Variants in ZCCHC7 observed in about 807,000 individuals in gnomAD.
The protein encoded by ZCCHC7 is zinc finger CCHC-type containing 7, also known as zinc finger CCHC domain-containing protein 7.
A neutral mutation model predicts 52.0 loss-of-function variants in ZCCHC7; 35 were observed. The ratio of observed to expected loss-of-function variants is 0.67; its 90% CI spans 0.51 to 0.89. ZCCHC7 has a LOEUF of 0.89. ZCCHC7 is among the 40% of genes least tolerant of loss of function. The pLI is 0.00. For synonymous variants in ZCCHC7, 217 were observed against 221.5 expected, an observed-to-expected ratio of 0.98 and a Z score of 0.18; for missense variants, 574 against 649.1, an observed-to-expected ratio of 0.88 and a Z score of 1.26.
intron 2 of ZCCHC7, among the ~76,000 whole-genome samples, chr9:37,233,887 T>C (rs1825520044): frequency 6.6e-6 from 1 of 152,218 alleles, no homozygotes; most frequent in African/African-American, 2.4e-5. Flanking sequence ...GGAGTCTTAC[T>C]GTGTCTCCCA....
intron 2 of ZCCHC7, among the ~76,000 whole-genome samples, chr9:37,234,706 C>T (rs952684478): frequency 1.3e-5 from 2 of 152,196 alleles, no homozygotes; most frequent in Non-Finnish European, 2.9e-5. Flanking sequence ...ATCCTATGTA[C>T]ATTGTACACT....
chr9:37,178,437 A>G (rs1051538086), intron 2 of ZCCHC7, among the ~76,000 whole-genome samples: 3 of 150,640 alleles, frequency 2.0e-5, no homozygotes, highest in African/African-American at 7.3e-5. Context: ...AAAAGGAAAG[A>G]AAAAAGGAGA....
chr9:37,194,727 T>C lies in ZCCHC7; in HGVS notation c.610+67785T>C, dbSNP rs531345086. Among the ~76,000 whole-genome samples, 19 of 152,302 alleles carry C rather than the reference T, an allele frequency of 1.2e-4. No individual in the cohort carries two copies. The South Asian group carries it at 3.9e-3, about 32-fold the overall frequency. ...ATTCGTTTTAAGGATGTAAATCCTA[T>C]AAATCCACAGCTTGGGTGACAAATT... On this transcript the variant is annotated intron_variant, in intron 2 of 8. Coordinates refer to ENST00000336755, the MANE Select transcript of ZCCHC7 (RefSeq NM_032226.3).
intron 2 of ZCCHC7, among the ~76,000 whole-genome samples, chr9:37,163,385 C>CAAAAAAAA (rs1022187626): frequency 2.5e-4 from 19 of 76,934 alleles, no homozygotes; most frequent in Admixed American, 3.4e-4. Flanking sequence ...GACTCCATCT[C>CAAAAAAAA]AAAAAAAAAA....
At chr9:37,309,621 C>T (rs956721896) in intron 5 of ZCCHC7, among the ~76,000 whole-genome samples, 2 of 152,174 alleles carry the variant, frequency 1.3e-5, no homozygotes, top group South Asian at 2.1e-4. Context: ...TATAAATTGA[C>T]GATATTGAGA....
chr9:37,304,126 GTAGATGGCTTT>G, intron 3 of ZCCHC7, 51 bp from the exon 4 acceptor site: 1 of 1,524,986 alleles, frequency 6.6e-7, no homozygotes, highest in Non-Finnish European at 8.9e-7. Flanking sequence ...AACAAGAGTA[GTAGATGGCTTT>G]TATTTAGCAG....
rs554697236 is a variant in ZCCHC7, at chr9:37,229,107, T to G, written c.611-73081T>G. On this transcript the variant is annotated intron_variant, in intron 2 of 8. Coordinates refer to ENST00000336755, the MANE Select transcript of ZCCHC7 (RefSeq NM_032226.3). ...TCCTTGGCCTCCCAAAGTGTTAGGATTACAGGTGTGAGCCATCGCGCCCAG... is the reference window on the plus strand; with the variant it reads ...TCCTTGGCCTCCCAAAGTGTTAGGAGTACAGGTGTGAGCCATCGCGCCCAG... Among the ~76,000 whole-genome samples the G allele has an allele frequency of 2.6e-5, 4 of 152,296 alleles. 1 individual carries two copies. The highest frequency in any genetic ancestry group is 9.6e-5 in the African/African-American group (4 of 41,560).
chr9:37,320,526 G>A (rs369582638), intron 5 of ZCCHC7, among the ~76,000 whole-genome samples: 5 of 152,274 alleles, frequency 3.3e-5, no homozygotes, highest in Middle Eastern at 6.8e-3. Context: ...CTACTGTAGG[G>A]AGAGTTGACT....
intron 2 of ZCCHC7, among the ~76,000 whole-genome samples, chr9:37,257,704 A>G (rs1826657928): frequency 1.3e-5 from 2 of 151,988 alleles, no homozygotes; most frequent in Non-Finnish European, 2.9e-5. Context: ...GAGGCTCTCA[A>G]TTTTTAAGAA....
intron 2 of ZCCHC7, among the ~76,000 whole-genome samples, chr9:37,260,976 T>G (rs1257457947): frequency 6.6e-6 from 1 of 152,234 alleles, no homozygotes; most frequent in Non-Finnish European, 1.5e-5. Flanking sequence ...TCTGATCTTT[T>G]TTTGTTTGTT....
At chr9:37,152,111 C>G (rs1820561505) in intron 2 of ZCCHC7, among the ~76,000 whole-genome samples, 1 of 152,176 alleles carries the variant, frequency 6.6e-6, no homozygotes, top group Non-Finnish European at 1.5e-5. Context: ...GAAAGAATTT[C>G]TCTCCCTGGA....
intron 2 of ZCCHC7, among the ~76,000 whole-genome samples, chr9:37,175,284 G>A (rs1301125398): frequency 7.2e-5 from 11 of 152,036 alleles, no homozygotes; most frequent in African/African-American, 1.7e-4. Flanking sequence ...TGTATAAACC[G>A]TATCGCAGAA....
chr9:37,175,439 C>T (rs1821965981), intron 2 of ZCCHC7, among the ~76,000 whole-genome samples: 2 of 152,172 alleles, frequency 1.3e-5, no homozygotes, highest in East Asian at 1.9e-4. Flanking sequence ...CGTGGTGGCT[C>T]ATGCCTGTAA....
intron 2 of ZCCHC7, among the ~76,000 whole-genome samples, chr9:37,198,890 A>G (rs1162934494): frequency 1.3e-5 from 2 of 152,208 alleles, no homozygotes; most frequent in Non-Finnish European, 2.9e-5. Context: ...GCATTGAATT[A>G]ATTGATGATT....
intron 2 of ZCCHC7, among the ~76,000 whole-genome samples, chr9:37,288,223 TG>T (rs1309906157): frequency 6.6e-6 from 1 of 150,470 alleles, no homozygotes; most frequent in East Asian, 2.0e-4. Flanking sequence ...GAGCCTGCAA[TG>T]AGGCATGATT....
chr9:37,305,313 G>T (rs1366026071), intron 4 of ZCCHC7, among the ~76,000 whole-genome samples: 2 of 152,054 alleles, frequency 1.3e-5, no homozygotes, highest in African/African-American at 4.8e-5. Flanking sequence ...ATAAGAAGAG[G>T]CATAAGGAAT....
intron 2 of ZCCHC7, among the ~76,000 whole-genome samples, chr9:37,291,445 T>C (rs1828532499): frequency 6.6e-6 from 1 of 152,166 alleles, no homozygotes; most frequent in Non-Finnish European, 1.5e-5. Context: ...GGAATCTGAA[T>C]CATCCTGCTT....
At chr9:37,305,921 A>G (rs904677324) in intron 5 of ZCCHC7, among the ~76,000 whole-genome samples, 1 of 152,116 alleles carries the variant, frequency 6.6e-6, no homozygotes, top group Non-Finnish European at 1.5e-5. Flanking sequence ...TAAGGAGCCT[A>G]CTGAATCAGA....
At chr9:37,333,613 C>T (rs1000567026) in intron 6 of ZCCHC7, among the ~76,000 whole-genome samples, 5 of 151,706 alleles carry the variant, frequency 3.3e-5, no homozygotes, top group African/African-American at 9.7e-5. Flanking sequence ...TGGAGCATCA[C>T]GTTTGCACTT....
Sources: gnomAD v4.1 joint callset for allele counts (sites outside exome capture counted in the v4.1 genomes callset) on GRCh38, gnomAD v4.1.1 for gene constraint, MANE v1.5 for transcripts, NCBI Gene and HGNC (gene_info 2026-07-23, HGNC 2026-07-21) for gene names.